The following ARL15 variants were observed in gnomAD, a reference collection of about 807,000 sequenced individuals.
The protein encoded by ARL15 is ADP-ribosylation factor-like protein 15.
ARL15 carries 19 observed loss-of-function variants against 25.2 expected under a neutral mutation model. The observed-to-expected ratio is 0.75, with a 90% CI of 0.53 to 1.10. ARL15 has a LOEUF of 1.10. Ranked by LOEUF, ARL15 falls within the 50% of genes least tolerant of loss-of-function variation. The pLI is 0.00. For missense variants in ARL15, 220 were observed against 246.0 expected (o/e 0.89, Z 0.71); for synonymous variants, 94 against 86.8 (o/e 1.08, Z -0.46).
intron 4 of ARL15, among the ~76,000 whole-genome samples, chr5:53,919,686 A>G (rs556251149): frequency 1.4e-5 from 2 of 146,580 alleles, no homozygotes; most frequent in African/African-American, 5.1e-5. Context: ...GGCAACAGGG[A>G]GGGAACAAGG....
intron 1 of ARL15, among the ~76,000 whole-genome samples, chr5:54,227,339 G>A (rs1756552736): frequency 1.3e-5 from 2 of 152,146 alleles, no homozygotes; most frequent in South Asian, 2.1e-4. Context: ...AGCAAGCAAG[G>A]TGGCATGACT....
In ARL15 at chr5:53,902,455, A is replaced by C. The variant is rs145822580; in HGVS notation, c.463-15742T>G. Among the ~76,000 whole-genome samples the C allele has an allele frequency of 2.3e-3, 357 of 152,356 alleles. 1 individual carries two copies. The highest frequency in any genetic ancestry group is 8.3e-3 in the African/African-American group (345 of 41,576). ...TATCTTTTAAAAACAGTTTATACACACAAGGTTATTTGGCTTTTGTAATGG... is the reference window on the plus strand; with the variant it reads ...TATCTTTTAAAAACAGTTTATACACCCAAGGTTATTTGGCTTTTGTAATGG... On this transcript the variant is annotated intron_variant, in intron 4 of 4. Coordinates refer to ENST00000504924, the MANE Select transcript of ARL15 (RefSeq NM_019087.3).
chr5:54,160,586 T>TACC (rs1390139233), intron 2 of ARL15, among the ~76,000 whole-genome samples: 1 of 152,230 alleles, frequency 6.6e-6, no homozygotes, highest in East Asian at 1.9e-4. Flanking sequence ...TCAGTCTGGA[T>TACC]AGAGTTCACT....
chr5:54,076,102 C>A (rs1751592985), intron 4 of ARL15, among the ~76,000 whole-genome samples: 1 of 152,044 alleles, frequency 6.6e-6, no homozygotes, highest in African/African-American at 2.4e-5. Flanking sequence ...TTGGCAGACA[C>A]TCAATAGCAA....
intron 4 of ARL15, among the ~76,000 whole-genome samples, chr5:53,942,900 G>C (rs1746591487): frequency 6.6e-6 from 1 of 152,190 alleles, no homozygotes; most frequent in Admixed American, 6.5e-5. Context: ...CACCAGTGAT[G>C]AAAGTGCTTC....
In ARL15 at chr5:54,024,253, C is replaced by T. The variant is rs561472525; in HGVS notation, c.462+88949G>A. On this transcript the variant is annotated intron_variant, in intron 4 of 4. Transcript: ENST00000504924. ...TGCAACCATGGAGAAAACTCGGTGA[C>T]GAGTACACAGGATCTTTCTCAGCTA... 7.2e-5 allele frequency among the ~76,000 whole-genome samples: 11 copies of T among 152,228 alleles called. No individual in the cohort carries two copies. The East Asian group carries it at 1.9e-3, about 27-fold the overall frequency.
At chr5:53,897,916 A>G (rs1404998174) in intron 4 of ARL15, among the ~76,000 whole-genome samples, 1 of 152,194 alleles carries the variant, frequency 6.6e-6, no homozygotes, top group Non-Finnish European at 1.5e-5. Flanking sequence ...CTAATAGCCT[A>G]CTGTTCACTG....
At chr5:54,293,816 C>G (rs1334531402) in intron 1 of ARL15, among the ~76,000 whole-genome samples, 6 of 148,902 alleles carry the variant, frequency 4.0e-5, no homozygotes, top group Non-Finnish European at 5.9e-5. Context: ...TAAAGCCACT[C>G]ATCATATCAT....
At chr5:54,222,706 G>C (rs1468140131) in intron 1 of ARL15, among the ~76,000 whole-genome samples, 2 of 152,220 alleles carry the variant, frequency 1.3e-5, no homozygotes, top group African/African-American at 2.4e-5. Flanking sequence ...TGGAGGAGCA[G>C]TAGGAAACTG....
intron 4 of ARL15, among the ~76,000 whole-genome samples, chr5:53,917,961 A>G (rs899587294): frequency 2.0e-5 from 3 of 152,212 alleles, no homozygotes; most frequent in African/African-American, 7.2e-5. Flanking sequence ...TGAGTTGTCT[A>G]TCTTAAACTC....
intron 1 of ARL15, among the ~76,000 whole-genome samples, chr5:54,287,632 T>C (rs941588869): frequency 1.6e-4 from 24 of 152,262 alleles, no homozygotes; most frequent in Non-Finnish European, 1.0e-4. Context: ...AACTATTAAC[T>C]GACAATCTAC....
At chr5:54,096,165 T>C (rs927602829) in intron 4 of ARL15, among the ~76,000 whole-genome samples, 1 of 152,188 alleles carries the variant, frequency 6.6e-6, no homozygotes, top group African/African-American at 2.4e-5. Flanking sequence ...ACTGTTCATG[T>C]TAGTTCATAT....
intron 3 of ARL15, among the ~76,000 whole-genome samples, chr5:54,140,921 AT>A (rs1235110114): frequency 6.6e-6 from 1 of 152,124 alleles, no homozygotes; most frequent in Non-Finnish European, 1.5e-5. Flanking sequence ...TTTCTAATAT[AT>A]TTTTTCACCT....
At chr5:53,937,291 G>A (rs922619108) in intron 4 of ARL15, among the ~76,000 whole-genome samples, 11 of 139,204 alleles carry the variant, frequency 7.9e-5, no homozygotes, top group African/African-American at 2.5e-4. Flanking sequence ...GCACGCCTGC[G>A]CATACACACA....
At chr5:54,002,648 GT>G (rs1338021675) in intron 4 of ARL15, among the ~76,000 whole-genome samples, 1 of 152,168 alleles carries the variant, frequency 6.6e-6, no homozygotes, top group Admixed American at 6.5e-5. Flanking sequence ...CTACTCATCT[GT>G]TTTGCAAAAA....
intron 4 of ARL15, among the ~76,000 whole-genome samples, chr5:53,918,567 G>A (rs1050587993): frequency 1.3e-5 from 2 of 152,112 alleles, no homozygotes; most frequent in African/African-American, 2.4e-5. Context: ...GATAATGAGA[G>A]ATGAGAGTGA....
intron 1 of ARL15, among the ~76,000 whole-genome samples, chr5:54,230,936 G>C (rs1173508584): frequency 6.6e-6 from 1 of 152,112 alleles, no homozygotes; most frequent in African/African-American, 2.4e-5. Flanking sequence ...GAAATATTGA[G>C]AGGAATTAAG....
chr5:53,924,940 ATAT>A (rs1745969803), intron 4 of ARL15, among the ~76,000 whole-genome samples: 1 of 152,228 alleles, frequency 6.6e-6, no homozygotes, highest in Non-Finnish European at 1.5e-5. Flanking sequence ...TAAGTTAGAC[ATAT>A]TAGACACAAG....
At chr5:54,299,091 G>A (rs540517374) in intron 1 of ARL15, among the ~76,000 whole-genome samples, 2 of 152,000 alleles carry the variant, frequency 1.3e-5, no homozygotes, top group South Asian at 4.2e-4. Flanking sequence ...TGTAGAGACA[G>A]GGGTCTCACT....
Sources: allele counts gnomAD v4.1 joint callset (sites outside exome capture counted in the v4.1 genomes callset), GRCh38; gene constraint gnomAD v4.1.1; transcripts MANE v1.5; gene names NCBI Gene and HGNC (gene_info 2026-07-23, HGNC 2026-07-21).